PRR35: variants seen among roughly 807,000 people sequenced by gnomAD.
PRR35 encodes proline-rich protein 35.
PRR35 carries 14 observed loss-of-function variants against 18.6 expected under a neutral mutation model. That is an observed-to-expected ratio of 0.75 (90% confidence interval 0.50 to 1.18). The LOEUF (loss-of-function observed/expected upper bound fraction) is 1.18, where lower values mean the gene tolerates loss of function less well. PRR35 is among the 50% of genes most tolerant of loss of function. The pLI is 0.00. For missense variants in PRR35, 832 were observed against 792.2 expected (o/e 1.05, Z -0.60); for synonymous variants, 425 against 378.2 (o/e 1.12, Z -1.43).
At chr16:564,549 C>T (rs758193893) in intron 2 of PRR35, 125 bp from the exon 3 acceptor site, 28 of 1,397,658 alleles carry the variant, frequency 2.0e-5, no homozygotes, top group Admixed American at 2.5e-5. Flanking sequence ...CGGGGGTCCT[C>T]GGGGTCTCCA....
At chr16:561,250 C>G (rs947399059) in intron 1 of PRR35, among the ~76,000 whole-genome samples, 2 of 152,216 alleles carry the variant, frequency 1.3e-5, no homozygotes, top group African/African-American at 4.8e-5. Flanking sequence ...TCCTCCGGGT[C>G]CCCAAGGGGT....
chr16:562,070 C>T (rs2035442323), intron 1 of PRR35, among the ~76,000 whole-genome samples: 1 of 152,214 alleles, frequency 6.6e-6, no homozygotes, highest in Non-Finnish European at 1.5e-5. Context: ...GTACACACAC[C>T]CAAAGCCCGT....
chr16:563,631 G>A lies in PRR35; in HGVS notation c.337G>A (p.Ala113Thr), dbSNP rs771418657. 2.0e-5 allele frequency: 31 copies of A among 1,582,200 alleles called. No homozygotes were observed. The highest frequency in any genetic ancestry group is 2.4e-5 in the Non-Finnish European group (28 of 1,170,362). ...QGARPTGAAP[A>T]PDLVVADIHS... ...AGCACGGCCCACAGGTGCTGCCCCC[G>A]CGCCTGACCTCGTGGTCGCCGACAT... Residue 113 changes from alanine to threonine, a missense_variant, in exon 2 of 3, where the codon GCG becomes ACG. Physicochemically the swap from Ala to Thr is moderately conservative, Grantham distance 58. Coordinates refer to ENST00000409413, the MANE Select transcript of PRR35 (RefSeq NM_145270.3).
intron 1 of PRR35, among the ~76,000 whole-genome samples, chr16:562,840 G>C (rs1018069933): frequency 1.3e-5 from 2 of 152,156 alleles, no homozygotes; most frequent in Non-Finnish European, 2.9e-5. Flanking sequence ...AAATTGGCCA[G>C]CAAGTCGGCC....
rs1366142781 is a variant in PRR35 at position 564,285 on chromosome 16, C to A, written c.991C>A (p.Gln331Lys). 1.3e-6 allele frequency: 2 copies of A among 1,577,376 alleles called. No individual in the cohort carries two copies. The highest frequency in any genetic ancestry group is 2.3e-5 in the East Asian group (1 of 43,618). Residue 331 changes from glutamine to lysine, a missense_variant, in exon 2 of 3, where the codon CAG (glutamine) becomes AAG (lysine). Gln to Lys is a moderately conservative substitution (Grantham distance 53). Coordinates refer to ENST00000409413, the MANE Select transcript of PRR35 (RefSeq NM_145270.3). ...GQEGELERAA[Q>K]SDPRRRLSLG... Reference sequence around the variant, plus strand: ...GGAGGGGGAGCTGGAGCGGGCAGCCCAGAGTGACCCCAGGAGGAGGCTGTC... The same window carrying A: ...GGAGGGGGAGCTGGAGCGGGCAGCCAAGAGTGACCCCAGGAGGAGGCTGTC...
rs768505127 is a variant in PRR35, at chr16:564,247, G to C, written c.953G>C (p.Arg318Thr). 12 of 1,576,430 alleles carry C rather than the reference G, an allele frequency of 7.6e-6. No homozygotes were observed. Among genetic ancestry groups the C allele is most frequent in the Non-Finnish European group, 8.6e-6 (10 of 1,166,444 alleles). ...GLGPWPRVTPRDPGQEGELER... is the reference protein window; with the variant it reads ...GLGPWPRVTPTDPGQEGELER... The stretch of plus-strand genomic sequence containing the variant: ...GGGCCCTGGCCCCGAGTCACCCCCA[G>C]GGACCCAGGGCAGGAGGGGGAGCTG... The change falls in exon 2 of 3, where the codon AGG (arginine) becomes ACG (threonine). Residue 318 changes from arginine (R) to threonine (T), a missense_variant. Arg to Thr is a moderately conservative substitution (Grantham distance 71). Coordinates refer to ENST00000409413, the MANE Select transcript of PRR35 (RefSeq NM_145270.3).
chr16:564,088 A>T lies in PRR35; in HGVS notation c.794A>T (p.Tyr265Phe). ...CGCCCCACCCCGGCCCCCCGCCTGT[A>T]CTACCCGCTGCTTCTGGAGCACACT... is the stretch of plus-strand genomic sequence containing the variant. ...PQRPTPAPRLYYPLLLEHTLG... is the reference protein window; with the variant it reads ...PQRPTPAPRLFYPLLLEHTLG... Residue 265 changes from tyrosine to phenylalanine, a missense_variant, in exon 2 of 3, where the codon TAC becomes TTC. By Grantham distance (22) the Tyr-to-Phe change is conservative. Coordinates refer to ENST00000409413, the MANE Select transcript of PRR35 (RefSeq NM_145270.3). 2 of 1,556,326 alleles carry T rather than the reference A, an allele frequency of 1.3e-6. No homozygotes were observed. The highest frequency in any genetic ancestry group is 2.3e-5 in the South Asian group (2 of 86,072).
At chr16:562,698 T>G (rs4984890) in intron 1 of PRR35, among the ~76,000 whole-genome samples, 1 of 152,082 alleles carries the variant, frequency 6.6e-6, no homozygotes, top group Non-Finnish European at 1.5e-5. Flanking sequence ...ACAGGCAGAT[T>G]GGCAGGGGCC....
rs575259078 is a variant in PRR35 at position 564,470 on chromosome 16, G to A, written c.1082+94G>A. 1.2e-4 allele frequency: 173 copies of A among 1,493,154 alleles called. No homozygotes were observed. In the African/African-American group the frequency reaches 1.7e-3, roughly 15 times the overall value. The allele number at this position is 1,493,154 out of a possible 1,614,324, so 92.5% of individuals were successfully genotyped here. A position where few individuals can be genotyped will look rare whatever the true frequency, so the allele number is the denominator to read the frequency against. On this transcript the variant is annotated intron_variant, in intron 2 of 2. Transcript: ENST00000409413. ...CGGCTGGGCATGGCGGCTGGGGTCC[G>A]TCCTGAGCTCAGTCGCTGGGAAAGT... is the stretch of plus-strand genomic sequence containing the variant.
Position 565,298 on chromosome 16 carries a change from C to G in PRR35, c.1707C>G (p.Ala569=), listed in dbSNP as rs115126945. Residue 569 remains alanine (A), a synonymous_variant, in exon 3 of 3, where the codon GCC becomes GCG. Transcript: ENST00000409413. ...GTGGCCTGCAGAGCCCCCAGGGCGC[C>G]GAGGTCTGACCTGCAGCGCCTGAGG... is the stretch of plus-strand genomic sequence containing the variant. ...AVCGLQSPQG[A]EV 6.6e-7 allele frequency: 1 copy of G among 1,511,112 alleles called. No homozygotes were observed. The highest frequency in any genetic ancestry group is 8.9e-7 in the Non-Finnish European group (1 of 1,129,230). 93.6% of individuals were successfully genotyped at this position (1,511,112 alleles called of 1,614,324 possible).
chr16:560,628 C>T lies in PRR35; in HGVS notation c.-73C>T. On this transcript the variant is annotated 5_prime_UTR_variant, in exon 1 of 3. Transcript: ENST00000409413. ...AGTTTGCGCCCTACACGCGGCCTCG[C>T]AGACTTGGCGGCTCCGCTCCCGGCC... 1 of 983,128 alleles carries T rather than the reference C, an allele frequency of 1.0e-6. No homozygotes were observed. 60.9% of individuals were successfully genotyped at this position (983,128 alleles called of 1,614,324 possible).
chr16:561,213 G>A (rs1313292601), intron 1 of PRR35, among the ~76,000 whole-genome samples: 2 of 152,206 alleles, frequency 1.3e-5, no homozygotes, highest in African/African-American at 4.8e-5. Context: ...TTTGCTCTGT[G>A]TACACACACC....
In PRR35 at chr16:564,883, T is replaced by TGGCCCC; in HGVS notation, c.1294_1299dup (p.Ala432_Pro433dup). ...GGACAGTTGGGGCCCGCGGGGGGCC[T>TGGCCCC]GGCCCCGAGACCCCTGCGGGAGCAG... is the stretch of plus-strand genomic sequence containing the variant. On this transcript the variant is annotated inframe_insertion, in exon 3 of 3. Coordinates refer to ENST00000409413, the MANE Select transcript of PRR35 (RefSeq NM_145270.3). 1 of 1,577,428 alleles carries TGGCCCC rather than the reference T, an allele frequency of 6.3e-7. No individual in the cohort carries two copies.
Position 563,309 on chromosome 16 carries a change from G to C in PRR35, c.15G>C (p.Ala5=). 2 of 1,607,896 alleles carry C rather than the reference G, an allele frequency of 1.2e-6. No homozygotes were observed. Among genetic ancestry groups the C allele is most frequent in the Non-Finnish European group, 1.7e-6 (2 of 1,177,962 alleles). The change falls in exon 2 of 3, where the codon GCG becomes GCC. Residue 5 remains alanine (A), a synonymous_variant. Coordinates refer to ENST00000409413, the MANE Select transcript of PRR35 (RefSeq NM_145270.3). MSRE[A]GSCRVGTGAR... The stretch of plus-strand genomic sequence containing the variant: ...AGCAGGCTGCCATGTCGCGGGAGGC[G>C]GGCTCATGCCGCGTGGGCACAGGGG...
chr16:563,123 C>A, intron 1 of PRR35, 133 bp from the exon 2 acceptor site: 1 of 831,156 alleles, frequency 1.2e-6, no homozygotes, highest in Non-Finnish European at 1.7e-6. Context: ...TCGGGGGGCA[C>A]GTTGCAGGGC....
chr16:563,904 C>A lies in PRR35; in HGVS notation c.610C>A (p.Leu204Ile). Residue 204 changes from leucine to isoleucine, a missense_variant, in exon 2 of 3, where the codon CTC (leucine) becomes ATC (isoleucine). Transcript: ENST00000409413. ...APGEFPEAHS[L>I]HLSLLGVNYP... Reference sequence around the variant, plus strand: ...AGGGGAGTTCCCTGAGGCCCACAGCCTCCACCTGTCTCTGCTGGGCGTCAA... The same window carrying A: ...AGGGGAGTTCCCTGAGGCCCACAGCATCCACCTGTCTCTGCTGGGCGTCAA... 6.3e-7 allele frequency: 1 copy of A among 1,588,284 alleles called. No individual in the cohort carries two copies. The highest frequency in any genetic ancestry group is 8.6e-7 in the Non-Finnish European group (1 of 1,168,600).
chr16:561,673 C>T, intron 1 of PRR35: 1 of 944,586 alleles, frequency 1.1e-6, no homozygotes, highest in Non-Finnish European at 1.3e-6. Flanking sequence ...ACTTCTCCAG[C>T]CCTGTTGGTC....
chr16:564,235 G>T lies in PRR35; in HGVS notation c.941G>T (p.Arg314Leu). Reference protein sequence around the residue: ...VPVPGLGPWPRVTPRDPGQEG... With the variant: ...VPVPGLGPWPLVTPRDPGQEG... The stretch of plus-strand genomic sequence containing the variant: ...GTTCCAGGGCTGGGGCCCTGGCCCC[G>T]AGTCACCCCCAGGGACCCAGGGCAG... The change falls in exon 2 of 3, where the codon CGA becomes CTA. Residue 314 changes from arginine (R) to leucine (L), a missense_variant. By Grantham distance (102) the Arg-to-Leu change is moderately radical. Around this residue, in one of 3 missense-constraint regions of PRR35, gnomAD observed 768 missense variants for 704.1 expected, o/e 1.09. Coordinates refer to ENST00000409413, the MANE Select transcript of PRR35 (RefSeq NM_145270.3). The T allele has an allele frequency of 6.4e-7, 1 of 1,572,860 alleles. No homozygotes were observed.
rs764143496 is a variant in PRR35 at position 565,331 on chromosome 16, GTC to G, written c.*28_*29del. The stretch of plus-strand genomic sequence containing the variant: ...GACCTGCAGCGCCTGAGGTCTGACT[GTC>G]TCTGCCTGCAGCATGCCGGCCCCTC... On this transcript the variant is annotated 3_prime_UTR_variant, in exon 3 of 3. Coordinates refer to ENST00000409413, the MANE Select transcript of PRR35 (RefSeq NM_145270.3). 2.6e-5 allele frequency: 38 copies of G among 1,447,270 alleles called. No individual in the cohort carries two copies. The highest frequency in any genetic ancestry group is 4.3e-5 in the African/African-American group (3 of 68,978). 89.7% of individuals were successfully genotyped at this position (1,447,270 alleles called of 1,614,324 possible). A position where few individuals can be genotyped will look rare whatever the true frequency, so the allele number is the denominator to read the frequency against.
Sources: gnomAD v4.1 joint callset for allele counts (sites outside exome capture counted in the v4.1 genomes callset) on GRCh38, gnomAD v4.1.1 for gene constraint, gnomAD v4.1.1 regional missense constraint, MANE v1.5 for transcripts, NCBI Gene and HGNC (gene_info 2026-07-23, HGNC 2026-07-21) for gene names.